Variants in PRKG1 observed in about 807,000 individuals in gnomAD.
PRKG1 encodes protein kinase cGMP-dependent 1.
Under a neutral mutation model 88.1 loss-of-function variants are expected in PRKG1, and 35 were observed. The ratio of observed to expected loss-of-function variants is 0.40; its 90% confidence interval spans 0.30 to 0.53. The LOEUF is 0.53. Among genes scored for constraint, PRKG1 ranks in the 20% least tolerant of loss-of-function variants. The pLI is 0.59. For synonymous variants in PRKG1, 303 were observed against 292.5 expected, an observed-to-expected ratio of 1.04 and a Z score of -0.37; for missense variants, 540 against 839.8, an observed-to-expected ratio of 0.64 and a Z score of 4.41.
intron 9 of PRKG1, among the ~76,000 whole-genome samples, chr10:52,173,673 ACT>A (rs1303621113): frequency 2.0e-5 from 3 of 152,128 alleles, no homozygotes; most frequent in African/African-American, 7.2e-5. Flanking sequence ...AACTTTATAA[ACT>A]CTATTAATTA....
chr10:52,010,613 A>G (rs1844856422), intron 5 of PRKG1, among the ~76,000 whole-genome samples: 2 of 152,200 alleles, frequency 1.3e-5, no homozygotes, highest in South Asian at 4.1e-4. Flanking sequence ...AATGTAAAAT[A>G]AAAGTTAAAA....
At chr10:51,534,983 T>A (rs1024436696) in intron 3 of PRKG1, among the ~76,000 whole-genome samples, 1 of 152,168 alleles carries the variant, frequency 6.6e-6, no homozygotes, top group Non-Finnish European at 1.5e-5. Flanking sequence ...CTGGTTTTTG[T>A]CAATATTTTA....
chr10:51,413,859 G>C (rs1165218722), intron 2 of PRKG1, among the ~76,000 whole-genome samples: 1 of 152,092 alleles, frequency 6.6e-6, no homozygotes, highest in Non-Finnish European at 1.5e-5. Context: ...GCTGAGTTCT[G>C]TTTGTTGTTG....
intron 7 of PRKG1, among the ~76,000 whole-genome samples, chr10:52,064,230 G>T (rs146262909): frequency 2.0e-5 from 3 of 152,282 alleles, no homozygotes; most frequent in Non-Finnish European, 4.4e-5. Flanking sequence ...ATGCTCATTG[G>T]CACCCAAAGC....
At chr10:51,985,963 C>T (rs560366973) in intron 5 of PRKG1, among the ~76,000 whole-genome samples, 12 of 152,232 alleles carry the variant, frequency 7.9e-5, no homozygotes, top group Admixed American at 3.9e-4. Flanking sequence ...ATGCTCAGAA[C>T]GCTTAACATT....
At chr10:52,175,888 A>G (rs1051356021) in intron 9 of PRKG1, among the ~76,000 whole-genome samples, 5 of 152,028 alleles carry the variant, frequency 3.3e-5, no homozygotes, top group African/African-American at 1.2e-4. Context: ...TGTATTTTGG[A>G]TAGTAATGCC....
At chr10:51,791,999 A>C (rs1351648946) in intron 3 of PRKG1, among the ~76,000 whole-genome samples, 1 of 152,066 alleles carries the variant, frequency 6.6e-6, no homozygotes, top group East Asian at 1.9e-4. Context: ...TGTAAAGATG[A>C]ATAGATTTTG....
chr10:52,159,401 T>C (rs1435797892), intron 8 of PRKG1, among the ~76,000 whole-genome samples: 2 of 151,512 alleles, frequency 1.3e-5, no homozygotes, highest in Non-Finnish European at 3.0e-5. Flanking sequence ...TTGTTCGTTG[T>C]TTTTTAATGT....
chr10:51,055,655 C>A (rs1843618021), intron 1 of PRKG1, among the ~76,000 whole-genome samples: 1 of 151,874 alleles, frequency 6.6e-6, no homozygotes, highest in Admixed American at 6.6e-5. Flanking sequence ...AGGAGAATGG[C>A]ATGAACCCAG....
chr10:52,227,564 C>T (rs1168323450), intron 9 of PRKG1, among the ~76,000 whole-genome samples: 3 of 152,176 alleles, frequency 2.0e-5, no homozygotes, highest in African/African-American at 7.2e-5. Context: ...AAATACTACA[C>T]CATTTTATAT....
At chr10:51,169,408 A>G (rs1352893479) in intron 2 of PRKG1, among the ~76,000 whole-genome samples, 3 of 152,134 alleles carry the variant, frequency 2.0e-5, no homozygotes, top group African/African-American at 7.2e-5. Flanking sequence ...TTCATTTGCT[A>G]GTACCTTTGC....
chr10:52,067,354 T>C (rs1846379237), intron 7 of PRKG1, among the ~76,000 whole-genome samples: 1 of 152,238 alleles, frequency 6.6e-6, no homozygotes, highest in Admixed American at 6.5e-5. Context: ...TAAATATTGA[T>C]AAGTTTCTGG....
intron 3 of PRKG1, among the ~76,000 whole-genome samples, chr10:51,749,398 T>C (rs932849059): frequency 1.3e-5 from 2 of 152,172 alleles, no homozygotes; most frequent in Non-Finnish European, 2.9e-5. Context: ...TCCTGGCTTA[T>C]AGACAGCCAC....
chr10:51,467,685 A>G, intron 2 of PRKG1, 38 bp from the exon 3 acceptor site: 1 of 1,489,240 alleles, frequency 6.7e-7, no homozygotes, highest in Non-Finnish European at 9.4e-7. Context: ...AGCATGAGAA[A>G]TAATTTATAT....
At chr10:51,281,568 G>A (rs1051240495) in intron 2 of PRKG1, among the ~76,000 whole-genome samples, 2 of 152,236 alleles carry the variant, frequency 1.3e-5, no homozygotes, top group African/African-American at 2.4e-5. Context: ...GCTCGAACTG[G>A]GTGGAGCCCA....
chr10:51,976,816 G>T (rs1490707406), intron 5 of PRKG1, among the ~76,000 whole-genome samples: 2 of 151,824 alleles, frequency 1.3e-5, no homozygotes, highest in African/African-American at 4.8e-5. Flanking sequence ...CAACTCATTA[G>T]GAAAAACGAG....
chr10:51,707,348 G>T (rs1226401667), intron 3 of PRKG1, among the ~76,000 whole-genome samples: 1 of 152,074 alleles, frequency 6.6e-6, no homozygotes, highest in African/African-American at 2.4e-5. Flanking sequence ...CTACTCGAGC[G>T]CATAGTCCTG....
intron 1 of PRKG1, among the ~76,000 whole-genome samples, chr10:51,065,947 G>C (rs1344180290): frequency 1.3e-5 from 2 of 152,040 alleles, no homozygotes; most frequent in Non-Finnish European, 2.9e-5. Flanking sequence ...GATTCTGAAG[G>C]ATTATCAGAG....
At chr10:51,808,181 G>C (rs1050862939) in intron 4 of PRKG1, among the ~76,000 whole-genome samples, 6 of 152,026 alleles carry the variant, frequency 3.9e-5, no homozygotes, top group African/African-American at 1.4e-4. Flanking sequence ...TTAAAAAATT[G>C]CCTGTCTTTC....
Sources: allele counts gnomAD v4.1 joint callset (sites outside exome capture counted in the v4.1 genomes callset), GRCh38; gene constraint gnomAD v4.1.1; transcripts MANE v1.5; gene names NCBI Gene and HGNC (gene_info 2026-07-23, HGNC 2026-07-21).